The following SH3GL2 variants were observed in gnomAD, a reference collection of about 807,000 sequenced individuals.
The protein encoded by SH3GL2 is SH3 domain containing GRB2 like 2, endophilin A1, also known as endophilin-A1.
A neutral mutation model predicts 46.0 loss-of-function variants in SH3GL2; 24 were observed. That is an observed-to-expected ratio of 0.52 (90% confidence interval 0.38 to 0.73). The LOEUF (loss-of-function observed/expected upper bound fraction) is 0.73, where lower values mean the gene tolerates loss of function less well. Among genes scored for constraint, SH3GL2 ranks in the 30% least tolerant of loss-of-function variants. The pLI, the probability that SH3GL2 is intolerant of heterozygous loss-of-function variation, is 0.00. For synonymous variants in SH3GL2, 196 were observed against 147.1 expected (o/e 1.33, Z -2.40); for missense variants, 413 against 424.2 (o/e 0.97, Z 0.23).
At chr9:17,679,533 G>C (rs1441887892) in intron 1 of SH3GL2, among the ~76,000 whole-genome samples, 3 of 152,144 alleles carry the variant, frequency 2.0e-5, no homozygotes, top group Non-Finnish European at 4.4e-5. Flanking sequence ...TTTGGGCTGA[G>C]GCGATGGGGT....
intron 3 of SH3GL2, among the ~76,000 whole-genome samples, chr9:17,765,426 C>G (rs1178553673): frequency 6.6e-6 from 1 of 152,176 alleles, no homozygotes; most frequent in African/African-American, 2.4e-5. Context: ...AAGTGATGAC[C>G]AAAGTGATTT....
rs1821796725 is a variant in SH3GL2, at chr9:17,717,711, C to A, written c.46-29355C>A. 1.3e-5 allele frequency among the ~76,000 whole-genome samples: 2 copies of A among 152,150 alleles called. 1 individual carries two copies. The highest frequency in any genetic ancestry group is 6.8e-3 in the Middle Eastern group (2 of 294). On this transcript the variant is annotated intron_variant, in intron 1 of 8. Transcript: ENST00000380607. ...TGCTAACAGAAGTATGCCAGGCATG[C>A]TGGGCAAGTCATAGGATTTTATAGA...
At chr9:17,640,796 A>G (rs983952485) in intron 1 of SH3GL2, among the ~76,000 whole-genome samples, 6 of 152,190 alleles carry the variant, frequency 3.9e-5, no homozygotes, top group African/African-American at 1.4e-4. Flanking sequence ...TGAAATGGAG[A>G]CTGTATTATA....
intron 1 of SH3GL2, among the ~76,000 whole-genome samples, chr9:17,579,909 A>G (rs1213067573): frequency 1.3e-5 from 2 of 152,222 alleles, no homozygotes; most frequent in Non-Finnish European, 2.9e-5. Flanking sequence ...AGGCCAGGGC[A>G]TGACAAACAG....
intron 1 of SH3GL2, among the ~76,000 whole-genome samples, chr9:17,732,390 C>G (rs1037876894): frequency 6.6e-6 from 1 of 151,982 alleles, no homozygotes; most frequent in Non-Finnish European, 1.5e-5. Flanking sequence ...ATAAGCAGAT[C>G]AAATTAGTAT....
intron 3 of SH3GL2, among the ~76,000 whole-genome samples, chr9:17,770,283 A>G (rs1427647023): frequency 6.6e-6 from 1 of 152,222 alleles, no homozygotes; most frequent in African/African-American, 2.4e-5. Context: ...TTGAATGAGA[A>G]AACTGAAGCT....
chr9:17,767,108 C>A (rs7042298), intron 3 of SH3GL2, among the ~76,000 whole-genome samples: 4 of 152,158 alleles, frequency 2.6e-5, no homozygotes, highest in African/African-American at 9.7e-5. Flanking sequence ...AATTTCCAAA[C>A]TGCTTACATA....
intron 1 of SH3GL2, among the ~76,000 whole-genome samples, chr9:17,678,583 C>T (rs1588230559): frequency 1.3e-5 from 2 of 152,054 alleles, no homozygotes; most frequent in South Asian, 4.1e-4. Context: ...CTGTAGGTTG[C>T]CTGTTCACTC....
At chr9:17,682,254 T>C (rs1011168656) in intron 1 of SH3GL2, among the ~76,000 whole-genome samples, 6 of 152,220 alleles carry the variant, frequency 3.9e-5, no homozygotes, top group South Asian at 2.1e-4. Context: ...TAAAGACACA[T>C]GCATGCATAT....
Position 17,787,373 on chromosome 9 carries a change from C to T in SH3GL2, c.332-7C>T. 1 of 1,612,064 alleles carries T rather than the reference C, an allele frequency of 6.2e-7. No individual in the cohort carries two copies. The highest frequency in any genetic ancestry group is 8.5e-7 in the Non-Finnish European group (1 of 1,178,656). ...CTGTAACATGAAAGAGCTTTATTCT[C>T]TCCTAGGCCCAGCACTTGGTGAGGT... On this transcript the variant is annotated splice_polypyrimidine_tract_variant and splice_region_variant and intron_variant, in intron 4 of 8. Coordinates refer to ENST00000380607, the MANE Select transcript of SH3GL2 (RefSeq NM_003026.5).
At chr9:17,755,791 C>T in intron 2 of SH3GL2, 1 of 984,810 alleles carries the variant, frequency 1.0e-6, no homozygotes, top group Non-Finnish European at 1.2e-6. Context: ...CGAGTCCTTA[C>T]ACCTAAGTTC....
Position 17,756,721 on chromosome 9 carries a change from A to G in SH3GL2, c.115-4716A>G, listed in dbSNP as rs55916279. Among the ~76,000 whole-genome samples, 937 of 151,990 alleles carry G rather than the reference A, an allele frequency of 6.2e-3. 10 individuals are homozygous for G. Among genetic ancestry groups the G allele is most frequent in the African/African-American group, 0.022 (902 of 41,378 alleles). Reference sequence around the variant, plus strand: ...GTGCCACAGTTTCTTAATCCAGTCTATCATTGATGGACATTTGGGTTGGTT... The same window carrying G: ...GTGCCACAGTTTCTTAATCCAGTCTGTCATTGATGGACATTTGGGTTGGTT... On this transcript the variant is annotated intron_variant, in intron 2 of 8. Coordinates refer to ENST00000380607, the MANE Select transcript of SH3GL2 (RefSeq NM_003026.5).
At chr9:17,710,968 A>G (rs981738412) in intron 1 of SH3GL2, among the ~76,000 whole-genome samples, 8 of 152,010 alleles carry the variant, frequency 5.3e-5, no homozygotes, top group African/African-American at 1.9e-4. Flanking sequence ...ACTTAATAAA[A>G]GATATATGAT....
chr9:17,600,293 G>A (rs548798573), intron 1 of SH3GL2, among the ~76,000 whole-genome samples: 1 of 152,266 alleles, frequency 6.6e-6, no homozygotes, highest in East Asian at 1.9e-4. Flanking sequence ...TTAATTAAAT[G>A]TCCTATGTTC....
intron 1 of SH3GL2, among the ~76,000 whole-genome samples, chr9:17,686,023 A>G (rs1306560116): frequency 7.1e-6 from 1 of 141,016 alleles, no homozygotes; most frequent in Admixed American, 7.1e-5. Flanking sequence ...AAATGGGAGA[A>G]AATTTTTGCA....
chr9:17,686,419 C>G (rs1158007145), intron 1 of SH3GL2, among the ~76,000 whole-genome samples: 1 of 136,030 alleles, frequency 7.4e-6, no homozygotes, highest in Non-Finnish European at 1.6e-5. Flanking sequence ...TACCATTTGA[C>G]CCAGCCATCC....
intron 1 of SH3GL2, among the ~76,000 whole-genome samples, chr9:17,587,716 A>G (rs1448405887): frequency 6.6e-6 from 1 of 152,110 alleles, no homozygotes; most frequent in Non-Finnish European, 1.5e-5. Context: ...CTTCTCTACT[A>G]AAACTACAAA....
chr9:17,581,738 G>A (rs1014729253), intron 1 of SH3GL2, among the ~76,000 whole-genome samples: 3 of 151,992 alleles, frequency 2.0e-5, no homozygotes, highest in South Asian at 2.1e-4. Context: ...GACTCTTGTC[G>A]CCCAGGCAGG....
chr9:17,791,087 T>A, intron 6 of SH3GL2, 144 bp from the exon 7 acceptor site: 1 of 630,350 alleles, frequency 1.6e-6, no homozygotes, highest in Non-Finnish European at 2.9e-6. Flanking sequence ...ACTATCTATC[T>A]TAGTTGGCTT....
Sources: gnomAD v4.1 joint callset for allele counts (sites outside exome capture counted in the v4.1 genomes callset) on GRCh38, gnomAD v4.1.1 for gene constraint, MANE v1.5 for transcripts, NCBI Gene and HGNC (gene_info 2026-07-23, HGNC 2026-07-21) for gene names.